Variants in CFAP54 observed in about 807,000 individuals in gnomAD.
CFAP54 encodes the protein cilia- and flagella-associated protein 54.
In CFAP54, 290 loss-of-function variants were observed where a neutral mutation model predicts 370.4. The ratio of observed to expected loss-of-function variants is 0.78; its 90% CI spans 0.71 to 0.86. CFAP54 has a LOEUF of 0.86. Ranked by LOEUF, CFAP54 falls within the 40% of genes least tolerant of loss-of-function variation. The probability of loss-of-function intolerance (pLI) is 0.00; values close to 1 mark genes in which losing one functional copy is unlikely to be tolerated. For synonymous variants in CFAP54, 1,206 were observed against 1,236.5 expected (o/e 0.98, Z 0.52); for missense variants, 3,399 against 3,528.7 (o/e 0.96, Z 0.93).
intron 50 of CFAP54, among the ~76,000 whole-genome samples, chr12:96,723,697 C>CT: frequency 6.7e-6 from 1 of 149,152 alleles, no homozygotes; most frequent in East Asian, 1.9e-4. Context: ...TATTATTATA[C>CT]TTTAAGTTTT....
At chr12:96,563,782 A>G (rs1052669176) in intron 17 of CFAP54, among the ~76,000 whole-genome samples, 1 of 152,252 alleles carries the variant, frequency 6.6e-6, no homozygotes, top group Non-Finnish European at 1.5e-5. Flanking sequence ...GGACCAAAAT[A>G]CTACCAGGTC....
intron 48 of CFAP54, among the ~76,000 whole-genome samples, chr12:96,713,824 C>G (rs759964505): frequency 1.3e-5 from 2 of 151,988 alleles, no homozygotes; most frequent in Non-Finnish European, 2.9e-5. Context: ...ATAAAGGGAA[C>G]AAATACCGAG....
intron 58 of CFAP54, among the ~76,000 whole-genome samples, chr12:96,762,947 C>T (rs778081303): frequency 6.6e-6 from 1 of 152,042 alleles, no homozygotes; most frequent in Admixed American, 6.6e-5. Context: ...TTCTTTTTCT[C>T]TGGGAGTCTT....
At chr12:96,711,932 T>G (rs1326239705) in intron 48 of CFAP54, among the ~76,000 whole-genome samples, 1 of 152,158 alleles carries the variant, frequency 6.6e-6, no homozygotes. Context: ...ATTATACATG[T>G]CTCTGAGTGC....
rs116327100 is a variant in CFAP54, at chr12:96,710,273, A to T, written c.6724+1470A>T. 5.1e-3 allele frequency among the ~76,000 whole-genome samples: 781 copies of T among 152,316 alleles called. 7 individuals carry two copies. The highest frequency in any genetic ancestry group is 0.018 in the African/African-American group (741 of 41,572). ...GAAGGGTGCGCCACACCACTGTGGG[A>T]GAAGGGAACACAGGAGAGCTTGGCT... is the stretch of plus-strand genomic sequence containing the variant. On this transcript the variant is annotated intron_variant, in intron 48 of 67. Transcript: ENST00000524981.
chr12:96,499,818 C>A (rs1270170231), intron 1 of CFAP54, among the ~76,000 whole-genome samples: 1 of 151,990 alleles, frequency 6.6e-6, no homozygotes, highest in East Asian at 1.9e-4. Flanking sequence ...TGGTGGTGCA[C>A]GCCTGTAATC....
At position 96,554,787 on chromosome 12, in the gene CFAP54, C is replaced by T; in HGVS notation, c.2395C>T (p.Leu799=). The part of the protein sequence containing the change: ...QAQHRIAVVL[L]DKLQVLQTPT... ...TCAGCATCGAATAGCTGTTGTGCTT[C>T]TGGACAAATTGCAAGGTAGTAGTCA... Residue 799 remains leucine (L), a synonymous_variant, in exon 17 of 68, where the codon CTG becomes TTG. Coordinates refer to ENST00000524981, the MANE Select transcript of CFAP54 (RefSeq NM_001306084.2). The T allele has an allele frequency of 6.5e-7, 1 of 1,533,820 alleles. No individual in the cohort carries two copies. The highest frequency in any genetic ancestry group is 8.7e-7 in the Non-Finnish European group (1 of 1,145,480).
In CFAP54 at chr12:96,538,396, G is replaced by A; in HGVS notation, c.1804G>A (p.Asp602Asn). The change falls in exon 13 of 68, where the codon GAT (aspartate) becomes AAT (asparagine). Residue 602 changes from aspartate (D) to asparagine (N), a missense_variant. By Grantham distance (23) the Asp-to-Asn change is conservative. This residue lies in a region of CFAP54 where 2,796 missense variants were observed against 2,869.7 expected (regional missense o/e 0.97). Transcript: ENST00000524981. ...CTTTTGTTTTTAGGATGTTCAACCT[G>A]ATAAAGAAATTGTTGTGGACACGAT... ...VCTAPQDVQP[D>N]KEIVVDTIMF... The A allele has an allele frequency of 6.5e-7, 1 of 1,534,680 alleles. No homozygotes were observed. The highest frequency in any genetic ancestry group is 8.7e-7 in the Non-Finnish European group (1 of 1,146,264).
At chr12:96,874,316 A>C (rs1387349010) in intron 67 of CFAP54, among the ~76,000 whole-genome samples, 1 of 152,202 alleles carries the variant, frequency 6.6e-6, no homozygotes, top group Non-Finnish European at 1.5e-5. Flanking sequence ...TCAAAAGACA[A>C]AATTCCAACA....
At chr12:96,512,888 C>T in intron 4 of CFAP54, 98 bp from the exon 5 acceptor site, 3 of 636,346 alleles carry the variant, frequency 4.7e-6, no homozygotes, top group Non-Finnish European at 7.5e-6. Flanking sequence ...CATAAGATCA[C>T]TTGTTTTGGG....
In CFAP54 at chr12:96,699,958, C is replaced by T. The variant is rs746471570; in HGVS notation, c.6352-13C>T. ...GTTTAATTAAGTACCTCATTATTTCCTTTCCTTTACAGATAGAAGTCCTTA... is the reference window on the plus strand; with the variant it reads ...GTTTAATTAAGTACCTCATTATTTCTTTTCCTTTACAGATAGAAGTCCTTA... On this transcript the variant is annotated splice_polypyrimidine_tract_variant and intron_variant, in intron 45 of 67. Transcript: ENST00000524981. The T allele has an allele frequency of 1.4e-5, 22 of 1,538,708 alleles. No individual in the cohort carries two copies. In the Admixed American group the frequency reaches 2.9e-4, roughly 20 times the overall value.
chr12:96,681,283 C>T (rs903096787), intron 40 of CFAP54, among the ~76,000 whole-genome samples: 36 of 151,894 alleles, frequency 2.4e-4, no homozygotes, highest in African/African-American at 8.2e-4. Context: ...ATACTAGCTT[C>T]TTTCTCTATT....
chr12:96,634,360 C>A (rs185520329), intron 32 of CFAP54, among the ~76,000 whole-genome samples: 1 of 152,070 alleles, frequency 6.6e-6, no homozygotes, highest in Admixed American at 6.6e-5. Context: ...GGCCAAACAT[C>A]TTTTTATATG....
chr12:96,621,800 T>C (rs1956493511), intron 27 of CFAP54, 79 bp downstream of exon 27: 1 of 1,050,570 alleles, frequency 9.5e-7, no homozygotes. Flanking sequence ...ATTAAACATA[T>C]TAGAAAATTG....
intron 26 of CFAP54, among the ~76,000 whole-genome samples, chr12:96,602,463 C>T (rs998451895): frequency 2.0e-5 from 3 of 152,162 alleles, no homozygotes; most frequent in African/African-American, 4.8e-5. Context: ...CTGTGGATGT[C>T]TATTAGGTCT....
chr12:96,689,024 C>A, intron 43 of CFAP54, 42 bp downstream of exon 43: 1 of 1,224,652 alleles, frequency 8.2e-7, no homozygotes, highest in Non-Finnish European at 1.1e-6. Context: ...GTAGCACAAC[C>A]ATTCATTGGA....
chr12:96,873,270 G>A (rs1960211101), intron 67 of CFAP54, among the ~76,000 whole-genome samples: 1 of 152,112 alleles, frequency 6.6e-6, no homozygotes, highest in Non-Finnish European at 1.5e-5. Context: ...TCAAGCTTGG[G>A]GATAATAAGG....
chr12:96,742,655 G>A (rs1958065733), intron 52 of CFAP54, 69 bp downstream of exon 52: 1 of 1,358,498 alleles, frequency 7.4e-7, no homozygotes, highest in Non-Finnish European at 1.0e-6. Flanking sequence ...GGGTTTATTG[G>A]GATATATTTT....
intron 58 of CFAP54, among the ~76,000 whole-genome samples, chr12:96,761,888 G>A (rs1958343489): frequency 1.3e-5 from 2 of 152,006 alleles, no homozygotes; most frequent in South Asian, 4.1e-4. Flanking sequence ...GGTTCCTGTA[G>A]CTTTTAGTAA....
Sources: gnomAD v4.1 joint callset for allele counts (sites outside exome capture counted in the v4.1 genomes callset) on GRCh38, gnomAD v4.1.1 for gene constraint, gnomAD v4.1.1 regional missense constraint, MANE v1.5 for transcripts, NCBI Gene and HGNC (gene_info 2026-07-23, HGNC 2026-07-21) for gene names.